Variants in BMP2K observed in about 807,000 individuals in gnomAD.
The protein encoded by BMP2K is BMP2 inducible kinase.
In BMP2K, 74 loss-of-function variants were observed where a neutral mutation model predicts 116.0. The observed-to-expected ratio is 0.64, with a 90% CI of 0.53 to 0.77. The LOEUF is 0.77. BMP2K is among the 30% of genes least tolerant of loss of function. BMP2K has a pLI of 0.00. For missense variants in BMP2K, 1,365 were observed against 1,403.6 expected, an observed-to-expected ratio of 0.97 and a Z score of 0.44; for synonymous variants, 486 against 502.5, an observed-to-expected ratio of 0.97 and a Z score of 0.44.
chr4:78,822,240 A>G (rs1411866581), intron 1 of BMP2K, among the ~76,000 whole-genome samples: 1 of 152,164 alleles, frequency 6.6e-6, no homozygotes, highest in Non-Finnish European at 1.5e-5. Flanking sequence ...CTACTCTCTC[A>G]TTTTAATCTG....
At chr4:78,785,543 A>G (rs1327051885) in intron 1 of BMP2K, among the ~76,000 whole-genome samples, 1 of 152,258 alleles carries the variant, frequency 6.6e-6, no homozygotes, top group East Asian at 1.9e-4. Flanking sequence ...TTCAGTGGGC[A>G]TGCCACCTTA....
At chr4:78,786,074 C>A (rs984163313) in intron 1 of BMP2K, among the ~76,000 whole-genome samples, 1 of 152,116 alleles carries the variant, frequency 6.6e-6, no homozygotes, top group Non-Finnish European at 1.5e-5. Flanking sequence ...GTATTTTCTG[C>A]ACTTCTCTCA....
intron 1 of BMP2K, 23 bp downstream of exon 1, chr4:78,776,744 G>C (rs1210916361): frequency 8.2e-7 from 1 of 1,220,084 alleles, no homozygotes; most frequent in Non-Finnish European, 1.0e-6. Context: ...GGGGAGGCTC[G>C]GACAGGCAGG....
At chr4:78,879,223 T>A in intron 14 of BMP2K, 1 of 1,036,252 alleles carries the variant, frequency 9.7e-7, no homozygotes, top group Non-Finnish European at 1.2e-6. Context: ...TTTTATTATT[T>A]TGCCTTACTA....
intron 3 of BMP2K, among the ~76,000 whole-genome samples, chr4:78,839,336 G>C (rs1730642586): frequency 1.3e-5 from 2 of 152,220 alleles, no homozygotes. Flanking sequence ...GCATGTAGAA[G>C]CATATGAGGC....
chr4:78,906,572 T>C (rs540809339), intron 15 of BMP2K, among the ~76,000 whole-genome samples: 5 of 152,262 alleles, frequency 3.3e-5, no homozygotes, highest in Middle Eastern at 3.4e-3. Context: ...GGATCTAAAA[T>C]GTACCCTTAT....
At chr4:78,861,144 GTTC>G (rs1008609864) in intron 8 of BMP2K, among the ~76,000 whole-genome samples, 3 of 151,836 alleles carry the variant, frequency 2.0e-5, no homozygotes, top group Non-Finnish European at 4.4e-5. Flanking sequence ...ATACAGTGGT[GTTC>G]TTCTGCTTAT....
At chr4:78,871,269 TTA>T (rs1399571463) in intron 11 of BMP2K, among the ~76,000 whole-genome samples, 1 of 152,228 alleles carries the variant, frequency 6.6e-6, no homozygotes, top group African/African-American at 2.4e-5. Context: ...CATTGTGGCC[TTA>T]TGAAGAAAAG....
rs181262821 is a variant in BMP2K, at chr4:78,879,557, A to C, written c.1951+666A>C. Reference sequence around the variant, plus strand: ...TTGAAAGAATGATGTGAGTGTTTTGAGTAGGTTGCCAAATAGGAGCAAAAA... The same window carrying C: ...TTGAAAGAATGATGTGAGTGTTTTGCGTAGGTTGCCAAATAGGAGCAAAAA... On this transcript the variant is annotated intron_variant, in intron 14 of 15. Coordinates refer to ENST00000502613, the MANE Select transcript of BMP2K (RefSeq NM_198892.2). 1.3e-5 allele frequency: 7 copies of C among 533,204 alleles called. No homozygotes were observed. The Admixed American group carries it at 4.5e-4, about 34-fold the overall frequency. The allele number at this position is 533,204 out of a possible 1,614,324, so 33.0% of individuals were successfully genotyped here.
intron 1 of BMP2K, among the ~76,000 whole-genome samples, chr4:78,778,205 T>C (rs996471563): frequency 6.6e-6 from 1 of 152,210 alleles, no homozygotes; most frequent in Admixed American, 6.5e-5. Context: ...GATGGGTCTT[T>C]TATTTAATAG....
intron 1 of BMP2K, among the ~76,000 whole-genome samples, chr4:78,793,925 CATT>C (rs1728129332): frequency 6.6e-6 from 1 of 151,872 alleles, no homozygotes; most frequent in African/African-American, 2.4e-5. Flanking sequence ...ATGTGGCTCA[CATT>C]ATATTGGACA....
At chr4:78,826,252 A>C (rs1729868860) in intron 2 of BMP2K, 97 bp downstream of exon 2, 1 of 910,254 alleles carries the variant, frequency 1.1e-6, no homozygotes. Context: ...CCCAGGCTGG[A>C]GCGCAGTGGC....
chr4:78,811,383 A>T (rs989208920), intron 1 of BMP2K, among the ~76,000 whole-genome samples: 1 of 152,196 alleles, frequency 6.6e-6, no homozygotes, highest in Non-Finnish European at 1.5e-5. Context: ...GTAGTACATA[A>T]TAATTTTATA....
At position 78,910,749 on chromosome 4, in the gene BMP2K, A is replaced by G. The variant is rs373623716; in HGVS notation, c.2202A>G (p.Gln734=). ...GKKTSVQGQV[Q]KGNDESESDF... ...AAACCTCAGTACAGGGTCAAGTGCA[A>G]AAGGGGAATGATGAATCTGAAAGTG... The change falls in exon 16 of 16, where the codon CAA becomes CAG. Residue 734 remains glutamine (Q), a synonymous_variant. Transcript: ENST00000502613. The G allele has an allele frequency of 1.9e-5, 31 of 1,613,834 alleles. No individual in the cohort carries two copies. The African/African-American group carries it at 2.9e-4, about 15-fold the overall frequency.
intron 1 of BMP2K, among the ~76,000 whole-genome samples, chr4:78,781,086 A>G (rs1727481295): frequency 6.6e-6 from 1 of 152,214 alleles, no homozygotes; most frequent in Non-Finnish European, 1.5e-5. Context: ...TGAATGAATC[A>G]CATGTAAGAG....
chr4:78,866,938 G>A (rs1413645188), intron 10 of BMP2K, among the ~76,000 whole-genome samples: 1 of 152,170 alleles, frequency 6.6e-6, no homozygotes, highest in Non-Finnish European at 1.5e-5. Context: ...GAAGCTGGGT[G>A]CAGTGGCTCA....
At chr4:78,826,526 C>A (rs1015085573) in intron 2 of BMP2K, among the ~76,000 whole-genome samples, 16 of 152,098 alleles carry the variant, frequency 1.1e-4, no homozygotes, top group Admixed American at 4.6e-4. Context: ...ATAACATTAA[C>A]CAGCTTTTAG....
At chr4:78,909,342 G>C (rs1734456741) in intron 15 of BMP2K, among the ~76,000 whole-genome samples, 1 of 141,886 alleles carries the variant, frequency 7.0e-6, no homozygotes, top group Non-Finnish European at 1.5e-5. Context: ...AGCCCCCTTA[G>C]TGTTTTTCTA....
chr4:78,907,851 C>T (rs1304549160), intron 15 of BMP2K, among the ~76,000 whole-genome samples: 2 of 152,030 alleles, frequency 1.3e-5, no homozygotes, highest in Admixed American at 6.6e-5. Context: ...CGTGAGCAGG[C>T]GTGAGGTGTG....
Sources: gnomAD v4.1 joint callset for allele counts (sites outside exome capture counted in the v4.1 genomes callset) on GRCh38, gnomAD v4.1.1 for gene constraint, MANE v1.5 for transcripts, NCBI Gene and HGNC (gene_info 2026-07-23, HGNC 2026-07-21) for gene names.